SHC4: variants seen among roughly 807,000 people sequenced by gnomAD.
SHC4 encodes SHC-transforming protein 4.
SHC4 carries 41 observed loss-of-function variants against 69.4 expected under a neutral mutation model. That is an observed-to-expected ratio of 0.59 (90% confidence interval 0.46 to 0.77). The LOEUF (loss-of-function observed/expected upper bound fraction) is 0.77. Ranked by LOEUF, SHC4 falls within the 30% of genes least tolerant of loss-of-function variation. SHC4 has a pLI of 0.00. For synonymous variants in SHC4, 318 were observed against 299.3 expected, an observed-to-expected ratio of 1.06 and a Z score of -0.64; for missense variants, 777 against 783.8, an observed-to-expected ratio of 0.99 and a Z score of 0.10.
At chr15:48,952,677 G>T (rs529706870) in intron 1 of SHC4, among the ~76,000 whole-genome samples, 6 of 152,270 alleles carry the variant, frequency 3.9e-5, no homozygotes, top group African/African-American at 1.2e-4. Context: ...CATGAAAAAG[G>T]CTCAACATCA....
intron 1 of SHC4, among the ~76,000 whole-genome samples, chr15:48,930,877 T>C (rs1162478879): frequency 6.6e-6 from 1 of 152,144 alleles, no homozygotes; most frequent in Non-Finnish European, 1.5e-5. Flanking sequence ...TGAAACACTG[T>C]CTCACTTTCT....
intron 2 of SHC4, among the ~76,000 whole-genome samples, chr15:48,920,853 G>A (rs1900739040): frequency 6.6e-6 from 1 of 152,064 alleles, no homozygotes; most frequent in South Asian, 2.1e-4. Flanking sequence ...GAAGTCTGAG[G>A]TGGGAGGATC....
chr15:48,907,523 C>A (rs930608616), intron 2 of SHC4, among the ~76,000 whole-genome samples: 1 of 151,958 alleles, frequency 6.6e-6, no homozygotes, highest in African/African-American at 2.4e-5. Context: ...GAGCAGTATA[C>A]ACTGCACCAT....
At chr15:48,891,629 C>G (rs1382831345) in intron 2 of SHC4, among the ~76,000 whole-genome samples, 1 of 152,218 alleles carries the variant, frequency 6.6e-6, no homozygotes, top group Non-Finnish European at 1.5e-5. Context: ...TATTAAACTT[C>G]TCACAAGGCA....
chr15:48,848,571 T>C (rs928422576), intron 9 of SHC4, among the ~76,000 whole-genome samples: 2 of 152,236 alleles, frequency 1.3e-5, no homozygotes, highest in Non-Finnish European at 2.9e-5. Flanking sequence ...ATTAATTCTA[T>C]AAAAATATAT....
chr15:48,840,261 T>A (rs964718790), intron 10 of SHC4, among the ~76,000 whole-genome samples: 7 of 152,166 alleles, frequency 4.6e-5, no homozygotes, highest in Non-Finnish European at 7.4e-5. Context: ...GGGGCAGTAT[T>A]TGTTATGGCA....
intron 1 of SHC4, among the ~76,000 whole-genome samples, chr15:48,933,832 A>G (rs1901017265): frequency 6.6e-6 from 1 of 152,184 alleles, no homozygotes; most frequent in Non-Finnish European, 1.5e-5. Flanking sequence ...CAAAGGTGAC[A>G]AAAGAATTCA....
At chr15:48,886,848 A>C (rs1175131914) in intron 3 of SHC4, among the ~76,000 whole-genome samples, 1 of 152,200 alleles carries the variant, frequency 6.6e-6, no homozygotes, top group Non-Finnish European at 1.5e-5. Context: ...CATTATGGGA[A>C]TGAGAGGAGA....
chr15:48,859,819 G>A (rs531996842), intron 6 of SHC4, among the ~76,000 whole-genome samples: 4 of 152,234 alleles, frequency 2.6e-5, no homozygotes, highest in South Asian at 4.1e-4. Flanking sequence ...CCTCATATCC[G>A]GAGACCTAAA....
chr15:48,872,135 G>A lies in SHC4; in HGVS notation c.848C>T (p.Ala283Val). ...LMNLDNQQII[A>V]NHHMQSISFA... Reference sequence around the variant, plus strand: ...TGAAATAGACTGCATATGATGATTTGCAATAATCTGAAAAACATAAACATG... The same window carrying A: ...TGAAATAGACTGCATATGATGATTTACAATAATCTGAAAAACATAAACATG... The change falls in exon 5 of 12, where the codon GCA becomes GTA. Residue 283 changes from alanine to valine, a missense_variant. Ala to Val is a moderately conservative substitution (Grantham distance 64). Coordinates refer to ENST00000332408, the MANE Select transcript of SHC4 (RefSeq NM_203349.4). 6.3e-7 allele frequency: 1 copy of A among 1,575,774 alleles called. No homozygotes were observed. The highest frequency in any genetic ancestry group is 8.7e-7 in the Non-Finnish European group (1 of 1,151,806).
At chr15:48,945,831 T>C (rs1013055193) in intron 1 of SHC4, 2 of 152,178 alleles carry the variant, frequency 1.3e-5, no homozygotes, top group African/African-American at 2.4e-5. Context: ...AACAATTGAA[T>C]TGTACACTTA....
chr15:48,960,877 GT>G lies in SHC4; in HGVS notation c.585+1553del, dbSNP rs539999263. Among the ~76,000 whole-genome samples the G allele has an allele frequency of 1.8e-3, 276 of 151,424 alleles. 2 individuals carry two copies. Among genetic ancestry groups the G allele is most frequent in the African/African-American group, 5.9e-3 (244 of 41,276 alleles). On this transcript the variant is annotated intron_variant, in intron 1 of 11. Transcript: ENST00000332408. ...GTCATTCTGAGACTTCAATTTGAAAGTTTTTTTTTCACCCTTTACAACCCTC... is the reference window on the plus strand; with the variant it reads ...GTCATTCTGAGACTTCAATTTGAAAGTTTTTTTTCACCCTTTACAACCCTC...
At chr15:48,847,489 A>G (rs1426318031) in intron 9 of SHC4, among the ~76,000 whole-genome samples, 2 of 152,342 alleles carry the variant, frequency 1.3e-5, no homozygotes, top group East Asian at 3.9e-4. Context: ...TTCAACAACC[A>G]GAGGCTACTG....
At chr15:48,881,713 G>A (rs1374320216) in intron 4 of SHC4, among the ~76,000 whole-genome samples, 1 of 152,134 alleles carries the variant, frequency 6.6e-6, no homozygotes, top group South Asian at 2.1e-4. Context: ...CTTTGCTTGA[G>A]GCCCTAAAAT....
intron 1 of SHC4, among the ~76,000 whole-genome samples, chr15:48,957,512 C>T (rs1415645825): frequency 6.6e-6 from 1 of 152,074 alleles, no homozygotes; most frequent in African/African-American, 2.4e-5. Flanking sequence ...TGATAAGATA[C>T]CTTAGACAGG....
intron 11 of SHC4, among the ~76,000 whole-genome samples, chr15:48,832,095 AC>A (rs1898814299): frequency 6.6e-6 from 1 of 152,168 alleles, no homozygotes; most frequent in East Asian, 1.9e-4. Context: ...ACATGGCAAA[AC>A]CCTGTCTCTA....
Position 48,856,069 on chromosome 15 carries a change from T to G in SHC4, c.1126A>C (p.Asn376His). The change falls in exon 8 of 12, where the codon AAT becomes CAT. Residue 376 changes from asparagine (N) to histidine (H), a missense_variant. Physicochemically the swap from Asn to His is moderately conservative, Grantham distance 68. Coordinates refer to ENST00000332408, the MANE Select transcript of SHC4 (RefSeq NM_203349.4). ...AEEREDHEYY[N>H]EIPGKQPPVG... The stretch of plus-strand genomic sequence containing the variant: ...GGTGGCTGCTTCCCTGGAATTTCAT[T>G]GTAATATTCATGATCTTCTCTCTCC... 4.3e-6 allele frequency: 7 copies of G among 1,613,912 alleles called. No homozygotes were observed. Among genetic ancestry groups the G allele is most frequent in the Non-Finnish European group, 5.9e-6 (7 of 1,179,860 alleles).
At chr15:48,878,770 C>T in intron 4 of SHC4, 1 of 1,575,100 alleles carries the variant, frequency 6.3e-7, no homozygotes, top group South Asian at 1.1e-5. Context: ...GAGGAAACTA[C>T]TTGAGGAGGG....
intron 1 of SHC4, among the ~76,000 whole-genome samples, chr15:48,927,706 C>T (rs972940197): frequency 6.6e-6 from 1 of 152,080 alleles, no homozygotes; most frequent in African/African-American, 2.4e-5. Context: ...TCAAATACAC[C>T]CCAGCTCTTC....
Sources: allele counts gnomAD v4.1 joint callset (sites outside exome capture counted in the v4.1 genomes callset), GRCh38; gene constraint gnomAD v4.1.1; transcripts MANE v1.5; gene names NCBI Gene and HGNC (gene_info 2026-07-23, HGNC 2026-07-21).